SLC44A5: variants seen among roughly 807,000 people sequenced by gnomAD.
The protein encoded by SLC44A5 is solute carrier family 44 member 5, also known as choline transporter-like protein 5.
In SLC44A5, 57 loss-of-function variants were observed where a neutral mutation model predicts 101.8. That is an observed-to-expected ratio of 0.56 (90% confidence interval 0.45 to 0.70). The LOEUF (loss-of-function observed/expected upper bound fraction) is 0.70. SLC44A5 is among the 30% of genes least tolerant of loss of function. SLC44A5 has a pLI of 0.00. For missense variants in SLC44A5, 737 were observed against 853.1 expected (o/e 0.86, Z 1.70); for synonymous variants, 281 against 290.9 (o/e 0.97, Z 0.35).
the SLC44A5 span, among the ~76,000 whole-genome samples, chr1:75,672,048 T>TC: frequency 2.2e-5 from 3 of 139,350 alleles, no homozygotes; most frequent in African/African-American, 7.7e-5. Context: ...TGACCAACTA[T>TC]CCACCCAAAA....
chr1:75,251,114 G>A (rs189084946), intron 7 of SLC44A5, 96 bp downstream of exon 7: 54 of 898,976 alleles, frequency 6.0e-5, no homozygotes, highest in Admixed American at 1.3e-4. Context: ...CCCTGCCCAC[G>A]CACACACACA....
At chr1:75,653,514 A>T in the SLC44A5 span, among the ~76,000 whole-genome samples, 2 of 152,148 alleles carry the variant, frequency 1.3e-5, no homozygotes, top group East Asian at 3.8e-4. Context: ...CATGAGAGCC[A>T]ATCCAACATC....
intron 6 of SLC44A5, among the ~76,000 whole-genome samples, chr1:75,253,340 C>T (rs1405425752): frequency 1.3e-5 from 2 of 151,616 alleles, no homozygotes; most frequent in Non-Finnish European, 2.9e-5. Context: ...CTACATTGAA[C>T]TTTTAACAAC....
chr1:75,628,545 G>C, the SLC44A5 span, among the ~76,000 whole-genome samples: 1 of 152,028 alleles, frequency 6.6e-6, no homozygotes, highest in Admixed American at 6.6e-5. Flanking sequence ...AGAGTTTAAG[G>C]TTTCGATATT....
At chr1:75,441,997 T>C (rs1665234273) in intron 2 of SLC44A5, among the ~76,000 whole-genome samples, 1 of 152,146 alleles carries the variant, frequency 6.6e-6, no homozygotes, top group African/African-American at 2.4e-5. Context: ...ATTCTTCTTT[T>C]ATAAGAATGA....
At chr1:75,357,690 A>C (rs1028589747) in intron 3 of SLC44A5, among the ~76,000 whole-genome samples, 1 of 152,154 alleles carries the variant, frequency 6.6e-6, no homozygotes, top group Non-Finnish European at 1.5e-5. Flanking sequence ...TGGAGGAAGG[A>C]AAACTTGGGA....
At chr1:75,641,332 C>T in the SLC44A5 span, 3 of 702,386 alleles carry the variant, frequency 4.3e-6, no homozygotes, top group Admixed American at 2.3e-5. Context: ...TGGTGCAAAA[C>T]ATGAGGAATC....
intron 2 of SLC44A5, among the ~76,000 whole-genome samples, chr1:75,495,527 T>C (rs965340238): frequency 6.7e-6 from 1 of 149,476 alleles, no homozygotes; most frequent in African/African-American, 2.5e-5. Flanking sequence ...ATGAACAAAG[T>C]GAGAATTCCA....
chr1:75,340,055 G>A (rs1328476807), intron 3 of SLC44A5, among the ~76,000 whole-genome samples: 1 of 152,168 alleles, frequency 6.6e-6, no homozygotes, highest in Non-Finnish European at 1.5e-5. Flanking sequence ...CCTCTCAGTA[G>A]ATTAGAGTTT....
At chr1:75,697,856 C>T in the SLC44A5 span, among the ~76,000 whole-genome samples, 3 of 152,176 alleles carry the variant, frequency 2.0e-5, no homozygotes, top group Admixed American at 6.5e-5. Context: ...CAAGGGGTCA[C>T]GGAGTTCCCT....
At chr1:75,677,251 T>C in the SLC44A5 span, among the ~76,000 whole-genome samples, 14 of 152,174 alleles carry the variant, frequency 9.2e-5, no homozygotes, top group Non-Finnish European at 1.5e-5. Context: ...GTAGAAGGGC[T>C]AAAAGTTTAA....
At chr1:75,289,488 G>A (rs1478781693) in intron 5 of SLC44A5, among the ~76,000 whole-genome samples, 1 of 152,144 alleles carries the variant, frequency 6.6e-6, no homozygotes. Context: ...AGGTGGTTGT[G>A]CCCAGAAGTA....
At chr1:75,512,654 G>A (rs1669628903) in intron 2 of SLC44A5, among the ~76,000 whole-genome samples, 1 of 152,326 alleles carries the variant, frequency 6.6e-6, no homozygotes, top group Non-Finnish European at 1.5e-5. Context: ...GATATTGGAT[G>A]TAGTACTATG....
intron 1 of SLC44A5, among the ~76,000 whole-genome samples, chr1:75,610,312 C>G (rs772875452): frequency 1.3e-5 from 2 of 151,984 alleles, no homozygotes; most frequent in Non-Finnish European, 2.9e-5. Context: ...TACATCAGCT[C>G]CCTAGGCCAA....
At chr1:75,664,943 A>AG in the SLC44A5 span, among the ~76,000 whole-genome samples, 3 of 150,654 alleles carry the variant, frequency 2.0e-5, no homozygotes, top group South Asian at 6.2e-4. Flanking sequence ...AAAAAAAAAA[A>AG]AAGAAATCAC....
At chr1:75,223,895 C>T (rs1647141606) in intron 13 of SLC44A5, among the ~76,000 whole-genome samples, 1 of 152,106 alleles carries the variant, frequency 6.6e-6, no homozygotes, top group Non-Finnish European at 1.5e-5. Context: ...CCATATTATG[C>T]TAAAATTGTT....
intron 1 of SLC44A5, among the ~76,000 whole-genome samples, chr1:75,559,727 T>C (rs1029161455): frequency 2.0e-5 from 3 of 152,100 alleles, no homozygotes; most frequent in African/African-American, 4.8e-5. Context: ...CTCCAAATGA[T>C]ACAATCCGAA....
chr1:75,616,193 C>G, the SLC44A5 span, among the ~76,000 whole-genome samples: 4 of 151,758 alleles, frequency 2.6e-5, no homozygotes, highest in Non-Finnish European at 2.9e-5. Context: ...GCGCTGGGTC[C>G]CCTGAGCGCC....
chr1:75,618,229 G>A, the SLC44A5 span, among the ~76,000 whole-genome samples: 1 of 152,216 alleles, frequency 6.6e-6, no homozygotes, highest in Non-Finnish European at 1.5e-5. Context: ...TTGGTACATG[G>A]ATGTGATTAA....
Sources: allele counts gnomAD v4.1 joint callset (sites outside exome capture counted in the v4.1 genomes callset), GRCh38; gene constraint gnomAD v4.1.1; transcripts MANE v1.5; gene names NCBI Gene and HGNC (gene_info 2026-07-23, HGNC 2026-07-21).